Variants in VPS41 observed in about 807,000 individuals in gnomAD.
The protein encoded by VPS41 is vacuolar protein sorting-associated protein 41 homolog.
Under a neutral mutation model 130.9 loss-of-function variants are expected in VPS41, and 85 were observed. That is an observed-to-expected ratio of 0.65 (90% CI 0.55 to 0.78). The LOEUF (loss-of-function observed/expected upper bound fraction) is 0.78, where lower values mean the gene tolerates loss of function less well. VPS41 is among the 30% of genes least tolerant of loss of function. The probability of loss-of-function intolerance (pLI) is 0.00; values close to 1 mark genes in which losing one functional copy is unlikely to be tolerated. For synonymous variants in VPS41, 335 were observed against 332.9 expected (o/e 1.01, Z -0.07); for missense variants, 874 against 1,018.7 (o/e 0.86, Z 1.93).
intron 27 of VPS41, among the ~76,000 whole-genome samples, chr7:38,728,142 GT>G (rs1292791114): frequency 6.6e-6 from 1 of 152,130 alleles, no homozygotes; most frequent in Non-Finnish European, 1.5e-5. Context: ...CTGATGGTTA[GT>G]TTTCATTTTG....
At chr7:38,775,311 C>T (rs1436609503) in intron 11 of VPS41, 1 of 152,156 alleles carries the variant, frequency 6.6e-6, no homozygotes, top group Non-Finnish European at 1.5e-5. Flanking sequence ...CAGTCATCTC[C>T]AAAACCCTCG....
At chr7:38,765,704 A>C in intron 15 of VPS41, 43 bp from the exon 16 acceptor site, 1 of 1,222,914 alleles carries the variant, frequency 8.2e-7, no homozygotes, top group Non-Finnish European at 1.2e-6. Context: ...GTATATATTA[A>C]AAAAACAAAA....
At chr7:38,778,734 G>A (rs1368381976) in intron 10 of VPS41, among the ~76,000 whole-genome samples, 1 of 152,112 alleles carries the variant, frequency 6.6e-6, no homozygotes, top group Non-Finnish European at 1.5e-5. Flanking sequence ...AGACACCTAA[G>A]GGAAAACGTC....
intron 4 of VPS41, among the ~76,000 whole-genome samples, chr7:38,854,083 T>C (rs1785927638): frequency 6.6e-6 from 1 of 152,212 alleles, no homozygotes; most frequent in African/African-American, 2.4e-5. Context: ...GTTAGAATGA[T>C]TTCCATTTAA....
chr7:38,779,190 T>G (rs556355893), intron 10 of VPS41, among the ~76,000 whole-genome samples: 4 of 152,210 alleles, frequency 2.6e-5, no homozygotes, highest in African/African-American at 9.7e-5. Context: ...ACGGACTATA[T>G]GCAGTGGCTA....
At chr7:38,814,225 T>C (rs1404815352) in intron 7 of VPS41, among the ~76,000 whole-genome samples, 3 of 152,214 alleles carry the variant, frequency 2.0e-5, no homozygotes. Context: ...AATATGTTAC[T>C]GACAGTTAAC....
intron 14 of VPS41, among the ~76,000 whole-genome samples, chr7:38,769,118 T>C (rs1472252705): frequency 6.6e-6 from 1 of 152,206 alleles, no homozygotes; most frequent in Non-Finnish European, 1.5e-5. Context: ...ACTGACCAGC[T>C]GACCTCGTCT....
chr7:38,898,014 C>T, intron 2 of VPS41, 77 bp downstream of exon 2: 1 of 1,383,782 alleles, frequency 7.2e-7, no homozygotes, highest in Non-Finnish European at 1.0e-6. Flanking sequence ...GGGAATGTTG[C>T]ATTTAGCAAA....
intron 8 of VPS41, 36 bp downstream of exon 8, chr7:38,796,709 G>T: frequency 6.2e-7 from 1 of 1,612,602 alleles, no homozygotes; most frequent in South Asian, 1.1e-5. Context: ...TTCTGCCACT[G>T]AACAAGCATT....
chr7:38,871,644 C>T (rs367860124), intron 2 of VPS41, among the ~76,000 whole-genome samples: 1 of 152,166 alleles, frequency 6.6e-6, no homozygotes, highest in East Asian at 1.9e-4. Flanking sequence ...CCTTCTATAA[C>T]ACACTCCAAA....
intron 5 of VPS41, among the ~76,000 whole-genome samples, chr7:38,824,519 A>G (rs1205902000): frequency 6.6e-6 from 1 of 152,232 alleles, no homozygotes; most frequent in East Asian, 1.9e-4. Flanking sequence ...TCATAAGCAG[A>G]AGAGTTAGAA....
At chr7:38,826,074 G>A (rs1785269133) in intron 5 of VPS41, among the ~76,000 whole-genome samples, 1 of 152,206 alleles carries the variant, frequency 6.6e-6, no homozygotes. Context: ...TGGCAGTCAA[G>A]ATTGCTGGTT....
At chr7:38,756,041 T>G (rs3801142) in intron 19 of VPS41, among the ~76,000 whole-genome samples, 50,437 of 152,064 alleles carry the variant, frequency 0.33, 9,157 homozygotes, top group Admixed American at 0.55. Flanking sequence ...GAGATTAATA[T>G]AGCACACAAT....
chr7:38,857,876 G>A (rs953280067), intron 4 of VPS41, among the ~76,000 whole-genome samples: 1 of 152,170 alleles, frequency 6.6e-6, no homozygotes, highest in African/African-American at 2.4e-5. Context: ...GTCCAGAAAG[G>A]TGGGACAACT....
intron 2 of VPS41, among the ~76,000 whole-genome samples, chr7:38,877,059 C>T (rs1307916757): frequency 1.3e-5 from 2 of 152,182 alleles, no homozygotes; most frequent in African/African-American, 4.8e-5. Context: ...CCCTCTTTTC[C>T]TCTCTTGCCA....
intron 2 of VPS41, among the ~76,000 whole-genome samples, chr7:38,875,727 A>C (rs1368540580): frequency 6.6e-6 from 1 of 152,242 alleles, no homozygotes; most frequent in Admixed American, 6.5e-5. Context: ...ATTCATCTAC[A>C]ATAAAACAAC....
At chr7:38,851,489 G>A (rs1385144463) in intron 4 of VPS41, among the ~76,000 whole-genome samples, 6 of 152,104 alleles carry the variant, frequency 3.9e-5, no homozygotes, top group African/African-American at 9.7e-5. Context: ...TGCTTAGCAC[G>A]GATCAATAGT....
At chr7:38,892,168 T>G (rs1026354927) in intron 2 of VPS41, among the ~76,000 whole-genome samples, 1 of 152,126 alleles carries the variant, frequency 6.6e-6, no homozygotes. Context: ...AGATTTTTTT[T>G]TTTAATCCTG....
rs544996890 is a variant in VPS41, at chr7:38,830,472, T to C, written c.247-144A>G. ...TCCAACTATCTTACACAAAGCACAG[T>C]AGAAACTATGAGAAGAAAAGTAAGC... On this transcript the variant is annotated intron_variant, in intron 4 of 28. Transcript: ENST00000310301. 1.0e-5 allele frequency: 7 copies of C among 677,290 alleles called. No individual in the cohort carries two copies. The African/African-American group carries it at 1.1e-4, about 10-fold the overall frequency. 42.0% of individuals were successfully genotyped at this position (677,290 alleles called of 1,614,324 possible).
Sources: allele counts gnomAD v4.1 joint callset (sites outside exome capture counted in the v4.1 genomes callset), GRCh38; gene constraint gnomAD v4.1.1; transcripts MANE v1.5; gene names NCBI Gene and HGNC (gene_info 2026-07-23, HGNC 2026-07-21).